The following RELN variants were observed in gnomAD, a reference collection of about 807,000 sequenced individuals.
RELN encodes reelin.
In RELN, 108 loss-of-function variants were observed where a neutral mutation model predicts 427.6. The observed-to-expected ratio is 0.25, with a 90% CI of 0.22 to 0.30. The LOEUF is 0.30. RELN is among the 10% of genes least tolerant of loss of function. The probability of loss-of-function intolerance (pLI) is 1.00; values close to 1 mark genes in which losing one functional copy is unlikely to be tolerated. For missense variants in RELN, 3,715 were observed against 4,302.8 expected, an observed-to-expected ratio of 0.86 and a Z score of 3.82; for synonymous variants, 1,524 against 1,513.4, an observed-to-expected ratio of 1.01 and a Z score of -0.16.
intron 20 of RELN, among the ~76,000 whole-genome samples, chr7:103,619,515 A>G (rs1008935553): frequency 1.3e-5 from 2 of 152,222 alleles, no homozygotes; most frequent in African/African-American, 4.8e-5. Context: ...ACTTTAACAA[A>G]TATATAGTTT....
rs1393972902 is a variant in RELN, at chr7:103,535,299, T to C, written c.7349+17A>G. On this transcript the variant is annotated intron_variant, in intron 46 of 64. Coordinates refer to ENST00000428762, the MANE Select transcript of RELN (RefSeq NM_005045.4). ...TATACGTAGAAGCATGTGGTGAACA[T>C]GTAGAAGCATTCTTACCTGGTATAA... 6.2e-7 allele frequency: 1 copy of C among 1,613,112 alleles called. No homozygotes were observed. The highest frequency in any genetic ancestry group is 2.2e-5 in the East Asian group (1 of 44,868).
intron 26 of RELN, 150 bp from the exon 27 acceptor site, chr7:103,594,032 C>T: frequency 2.8e-6 from 2 of 718,254 alleles, no homozygotes; most frequent in Non-Finnish European, 4.7e-6. Flanking sequence ...CTGCTATTAA[C>T]TTTTTCTCCT....
At chr7:103,831,679 G>C (rs1478960142) in intron 3 of RELN, among the ~76,000 whole-genome samples, 2 of 152,106 alleles carry the variant, frequency 1.3e-5, no homozygotes, top group African/African-American at 4.8e-5. Flanking sequence ...GAATCTGTAA[G>C]GGAATTGTGG....
intron 20 of RELN, among the ~76,000 whole-genome samples, chr7:103,615,960 T>A (rs2117300960): frequency 6.6e-6 from 1 of 152,262 alleles, no homozygotes; most frequent in East Asian, 1.9e-4. Context: ...CAGACACACA[T>A]AGCCAAAGTA....
At chr7:103,850,056 CAT>C (rs1793783980) in intron 2 of RELN, among the ~76,000 whole-genome samples, 1 of 152,212 alleles carries the variant, frequency 6.6e-6, no homozygotes, top group Admixed American at 6.5e-5. Flanking sequence ...TATCATTGAA[CAT>C]ACCAATTGCA....
intron 2 of RELN, among the ~76,000 whole-genome samples, chr7:103,895,877 A>T (rs1488034947): frequency 6.6e-6 from 1 of 152,116 alleles, no homozygotes; most frequent in Non-Finnish European, 1.5e-5. Flanking sequence ...TACTCAACTT[A>T]AGGCAACATG....
intron 60 of RELN, among the ~76,000 whole-genome samples, chr7:103,489,514 T>G (rs984897194): frequency 4.6e-5 from 7 of 152,232 alleles, no homozygotes; most frequent in Non-Finnish European, 1.0e-4. Context: ...ATAGAATGTC[T>G]GGAGTAGATT....
At position 103,824,879 on chromosome 7, in the gene RELN, T is replaced by A. The variant is rs531494486; in HGVS notation, c.473+8658A>T. The stretch of plus-strand genomic sequence containing the variant: ...TATACTATCTTCATAAATACTAATT[T>A]TTAAAAGAAATATAGAGTGGTAGTA... On this transcript the variant is annotated intron_variant, in intron 3 of 64. Coordinates refer to ENST00000428762, the MANE Select transcript of RELN (RefSeq NM_005045.4). The surrounding 1 kb of genome is among the most constrained non-coding windows in gnomAD (Gnocchi z 4.4). 6.6e-6 allele frequency among the ~76,000 whole-genome samples: 1 copy of A among 152,102 alleles called. No individual in the cohort carries two copies. The highest frequency in any genetic ancestry group is 2.4e-5 in the African/African-American group (1 of 41,500).
At chr7:103,779,288 T>G (rs1791826639) in intron 3 of RELN, among the ~76,000 whole-genome samples, 1 of 152,176 alleles carries the variant, frequency 6.6e-6, no homozygotes, top group Non-Finnish European at 1.5e-5. Context: ...GGCTCAGTAA[T>G]TAAAAGCTGG....
At chr7:103,878,981 C>T (rs1247088115) in intron 2 of RELN, among the ~76,000 whole-genome samples, 1 of 152,158 alleles carries the variant, frequency 6.6e-6, no homozygotes, top group East Asian at 1.9e-4. Flanking sequence ...ACAAAGTGAA[C>T]CTCAGGCTGA....
chr7:103,904,911 A>T (rs1468290482), intron 2 of RELN, among the ~76,000 whole-genome samples: 1 of 151,778 alleles, frequency 6.6e-6, no homozygotes, highest in Non-Finnish European at 1.5e-5. Flanking sequence ...CTAATAATGT[A>T]ACATTAAGAC....
chr7:103,564,276 G>T (rs1414022547), intron 34 of RELN, among the ~76,000 whole-genome samples: 1 of 152,212 alleles, frequency 6.6e-6, no homozygotes, highest in Non-Finnish European at 1.5e-5. Context: ...GTCTGGATCA[G>T]GTTTGAACCA....
At chr7:103,878,529 C>T (rs1472200951) in intron 2 of RELN, among the ~76,000 whole-genome samples, 2 of 152,074 alleles carry the variant, frequency 1.3e-5, no homozygotes, top group Non-Finnish European at 2.9e-5. Flanking sequence ...AGTAGGTGTT[C>T]ACTAGAGACC....
chr7:103,791,645 G>C lies in RELN; in HGVS notation c.474-15018C>G, dbSNP rs920407970. ...TGTAAAACTCTTAAAGGAAAACATA[G>C]GGATAAATCTTCATGACTTGATACT... On this transcript the variant is annotated intron_variant, in intron 3 of 64. Transcript: ENST00000428762. Among the ~76,000 whole-genome samples, 6 of 151,930 alleles carry C rather than the reference G, an allele frequency of 3.9e-5. No individual in the cohort carries two copies. In the East Asian group the frequency reaches 1.2e-3, roughly 29 times the overall value.
At position 103,542,737 on chromosome 7, in the gene RELN, T is replaced by G. The variant is rs1449812100; in HGVS notation, c.6665A>C (p.His2222Pro). The G allele has an allele frequency of 1.2e-6, 2 of 1,614,046 alleles. No homozygotes were observed. Among genetic ancestry groups the G allele is most frequent in the Non-Finnish European group, 1.7e-6 (2 of 1,180,006 alleles). ...MLMTRDLDLSHARFVQFFMRL... is the reference protein window; with the variant it reads ...MLMTRDLDLSPARFVQFFMRL... Reference sequence around the variant, plus strand: ...AGCATCTAAAAATGATTACCTAGCATGTGATAAATCCAGGTCTCGTGTCAT... The same window carrying G: ...AGCATCTAAAAATGATTACCTAGCAGGTGATAAATCCAGGTCTCGTGTCAT... Residue 2222 changes from histidine to proline, a missense_variant, in exon 43 of 65, where the codon CAT (histidine) becomes CCT (proline). Transcript: ENST00000428762.
intron 1 of RELN, among the ~76,000 whole-genome samples, chr7:103,926,651 T>G (rs1260663748): frequency 1.4e-5 from 1 of 71,120 alleles, no homozygotes; most frequent in East Asian, 5.6e-4. Context: ...TTTTTTTTTT[T>G]TTTTTTTTTT....
At chr7:103,633,540 A>C (rs1245223235) in intron 19 of RELN, among the ~76,000 whole-genome samples, 1 of 151,846 alleles carries the variant, frequency 6.6e-6, no homozygotes, top group South Asian at 2.1e-4. Context: ...CTTTTAAAAA[A>C]ACTCCACTTT....
intron 12 of RELN, 43 bp from the exon 13 acceptor site, chr7:103,654,248 T>A (rs1296330298): frequency 4.9e-5 from 46 of 936,744 alleles, no homozygotes; most frequent in Middle Eastern, 2.3e-4. Flanking sequence ...CCAACTAGCA[T>A]CCATAAACAT....
At position 103,495,888 on chromosome 7, in the gene RELN, G is replaced by A. The variant is rs1562851561; in HGVS notation, c.9204C>T (p.Ser3068=). ...GGTAAAAACTCCAGTTTTCTTCATG[G>A]GAAGTGCCTTCTGTTAAGGAAAATT... ...LVDTFDDEGT[S]HEENWSFYPN... is the part of the protein sequence containing the mutation. Residue 3068 remains serine, a synonymous_variant, in exon 57 of 65, where the codon TCC becomes TCT. Coordinates refer to ENST00000428762, the MANE Select transcript of RELN (RefSeq NM_005045.4). 2.5e-6 allele frequency: 4 copies of A among 1,613,920 alleles called. No individual in the cohort carries two copies. The highest frequency in any genetic ancestry group is 1.7e-5 in the Admixed American group (1 of 60,004).
Sources: allele counts gnomAD v4.1 joint callset (sites outside exome capture counted in the v4.1 genomes callset), GRCh38; gene constraint gnomAD v4.1.1; non-coding constraint Gnocchi (gnomAD v3.1); transcripts MANE v1.5; gene names NCBI Gene and HGNC (gene_info 2026-07-23, HGNC 2026-07-21).